Variants in PHRF1 observed in about 807,000 individuals in gnomAD.
PHRF1 encodes the protein PHD and ring finger domains 1.
PHRF1 carries 53 observed loss-of-function variants against 128.9 expected under a neutral mutation model. The observed-to-expected ratio is 0.41, with a 90% CI of 0.33 to 0.52. The LOEUF is 0.52. PHRF1 is among the 20% of genes least tolerant of loss of function. The probability of loss-of-function intolerance (pLI) is 0.21; values close to 1 mark genes in which losing one functional copy is unlikely to be tolerated. For synonymous variants in PHRF1, 1,178 were observed against 980.6 expected, an observed-to-expected ratio of 1.20 and a Z score of -3.76; for missense variants, 2,503 against 2,284.5, an observed-to-expected ratio of 1.10 and a Z score of -1.95.
Position 576,538 on chromosome 11 carries a change from G to T in PHRF1, c.-76G>T. The T allele has an allele frequency of 6.6e-6, 1 of 152,520 alleles. No individual in the cohort carries two copies. The highest frequency in any genetic ancestry group is 1.9e-4 in the South Asian group (1 of 5,380). 9.4% of individuals were successfully genotyped at this position (152,520 alleles called of 1,614,324 possible). A position where few individuals can be genotyped will look rare whatever the true frequency, so the allele number is the denominator to read the frequency against. On this transcript the variant is annotated 5_prime_UTR_variant, in exon 1 of 18. Transcript: ENST00000264555. ...GCGGCCGGGCCTAGGAGCGACTCTCGGTCGTGCAGCGGCGGCGAGCGCTCG... is the reference window on the plus strand; with the variant it reads ...GCGGCCGGGCCTAGGAGCGACTCTCTGTCGTGCAGCGGCGGCGAGCGCTCG...
intron 2 of PHRF1, 32 bp from the exon 3 acceptor site, chr11:581,930 C>G: frequency 6.4e-7 from 1 of 1,556,600 alleles, no homozygotes; most frequent in Non-Finnish European, 8.7e-7. Flanking sequence ...CTTGACGCCG[C>G]CCTGCGGCCT....
chr11:588,691 A>AT lies in PHRF1; in HGVS notation c.420+1236dup, dbSNP rs1182511646. ...ACCACGCCCGGCCATTTTTATTTTT[A>AT]TTTTTTTTTGTAGATTTTTCTTTTG... On this transcript the variant is annotated intron_variant, in intron 4 of 17. Transcript: ENST00000264555. Among the ~76,000 whole-genome samples, 15 of 150,432 alleles carry AT rather than the reference A, an allele frequency of 1.0e-4. No individual in the cohort carries two copies. In the East Asian group the frequency reaches 1.2e-3, roughly 12 times the overall value.
At position 598,478 on chromosome 11, in the gene PHRF1, C is replaced by A. The variant is rs974559384; in HGVS notation, c.1000C>A (p.Pro334Thr). ...VYQRPLTPRT[P>T]ARRKRKTRRR... is the part of the protein sequence containing the mutation. ...TCAGCGCCCCCTGACGCCGCGCACT[C>A]CCGCCCGACGGAAGAGGAAGACAAG... Residue 334 changes from proline to threonine, a missense_variant, in exon 9 of 18, where the codon CCC becomes ACC. Pro to Thr is a conservative substitution (Grantham distance 38). Coordinates refer to ENST00000264555, the MANE Select transcript of PHRF1 (RefSeq NM_001286581.2). 2 of 1,609,764 alleles carry A rather than the reference C, an allele frequency of 1.2e-6. No homozygotes were observed. The highest frequency in any genetic ancestry group is 2.2e-5 in the East Asian group (1 of 44,852).
intron 10 of PHRF1, among the ~76,000 whole-genome samples, chr11:603,931 G>A (rs547487059): frequency 8.6e-5 from 13 of 151,294 alleles, no homozygotes; most frequent in Admixed American, 4.6e-4. Context: ...TTGAACTCCC[G>A]ACCTCAAGTG....
At position 609,210 on chromosome 11, in the gene PHRF1, T is replaced by C. The variant is rs749916409; in HGVS notation, c.3754T>C (p.Cys1252Arg). 1.9e-6 allele frequency: 3 copies of C among 1,608,986 alleles called. No homozygotes were observed. Among genetic ancestry groups the C allele is most frequent in the South Asian group, 2.2e-5 (2 of 91,082 alleles). Residue 1252 changes from cysteine (C) to arginine (R), a missense_variant, in exon 14 of 18, where the codon TGT becomes CGT. Physicochemically the swap from Cys to Arg is radical, Grantham distance 180. Coordinates refer to ENST00000264555, the MANE Select transcript of PHRF1 (RefSeq NM_001286581.2). ...APPVLEVAAE[C>R]EPDDLDLDYG... is the part of the protein sequence containing the mutation. ...CCCTGTCCTGGAGGTGGCAGCTGAG[T>C]GTGAGCCGGACGACCTGGACCTGGA... is the stretch of plus-strand genomic sequence containing the variant.
At chr11:605,389 T>G (rs898959647) in intron 11 of PHRF1, 89 bp downstream of exon 11, 3 of 1,522,614 alleles carry the variant, frequency 2.0e-6, no homozygotes, top group Non-Finnish European at 2.7e-6. Context: ...TGCGGAGGCG[T>G]TAGGTTTTGT....
chr11:602,626 A>C (rs1266792339), intron 10 of PHRF1, among the ~76,000 whole-genome samples: 1 of 151,808 alleles, frequency 6.6e-6, no homozygotes, highest in Non-Finnish European at 1.5e-5. Flanking sequence ...GGTTGCAGTG[A>C]GCCGAGATTG....
In PHRF1 at chr11:581,727, A is replaced by AT. The variant is rs1854215190; in HGVS notation, c.94+125dup. 3 of 1,102,324 alleles carry AT rather than the reference A, an allele frequency of 2.7e-6. No homozygotes were observed. The Admixed American group carries it at 9.4e-5, about 35-fold the overall frequency. The allele number at this position is 1,102,324 out of a possible 1,614,324, so 68.3% of individuals were successfully genotyped here. A position where few individuals can be genotyped will look rare whatever the true frequency, so the allele number is the denominator to read the frequency against. ...TTCAGTCTAAAAAAATTATGCTTTG[A>AT]TTTTAAATTGCGGAAGTAGTGTATT... On this transcript the variant is annotated intron_variant, in intron 2 of 17. Transcript: ENST00000264555.
chr11:583,645 C>G (rs759932212), intron 3 of PHRF1, among the ~76,000 whole-genome samples: 2 of 152,214 alleles, frequency 1.3e-5, no homozygotes, highest in Non-Finnish European at 2.9e-5. Context: ...ATGGTCTCAG[C>G]TACGCAGGAG....
intron 2 of PHRF1, 128 bp downstream of exon 2, chr11:581,734 A>G (rs927973517): frequency 9.5e-7 from 1 of 1,051,440 alleles, no homozygotes; most frequent in African/African-American, 1.6e-5. Flanking sequence ...TTGATTTTAA[A>G]TTGCGGAAGT....
chr11:583,155 A>G (rs1460387240), intron 3 of PHRF1, among the ~76,000 whole-genome samples: 2 of 151,544 alleles, frequency 1.3e-5, no homozygotes, highest in African/African-American at 2.4e-5. Context: ...TGTGGCTAAC[A>G]TGGTGAAACC....
chr11:581,880 T>C, intron 2 of PHRF1, 82 bp from the exon 3 acceptor site: 1 of 1,477,308 alleles, frequency 6.8e-7, no homozygotes. Context: ...TCCTGACGCC[T>C]CTATGCCTGT....
chr11:608,502 CGGACGCGCTCTG>C lies in PHRF1; in HGVS notation c.3059_3070del (p.Gly1020_Ser1023del), dbSNP rs144630030. The C allele has an allele frequency of 0.053, 84,946 of 1,611,770 alleles. 3,304 individuals are homozygous for C. The highest frequency in any genetic ancestry group is 0.19 in the African/African-American group (14,149 of 74,548). ...GAAGAGGGTGTCCAGGGAGCACGGA[CGGACGCGCTCTG>C]GGACGCGCTCTGAATCCAGGGACAG... On this transcript the variant is annotated inframe_deletion, in exon 14 of 18. Transcript: ENST00000264555.
chr11:588,382 T>C (rs1854713948), intron 4 of PHRF1, among the ~76,000 whole-genome samples: 1 of 152,080 alleles, frequency 6.6e-6, no homozygotes, highest in Admixed American at 6.6e-5. Context: ...CTTTTCTTTT[T>C]TTTTTTGTTT....
Position 607,455 on chromosome 11 carries a change from C to G in PHRF1, c.1999C>G (p.Leu667Val), listed in dbSNP as rs1287924966. The G allele has an allele frequency of 6.2e-7, 1 of 1,612,854 alleles. No homozygotes were observed. Residue 667 changes from leucine to valine, a missense_variant, in exon 14 of 18, where the codon CTG (leucine) becomes GTG (valine). Transcript: ENST00000264555. ...TCGCAGTGTGGTGCCGGGGCCTCCCCTGAAGCCAGCGCCCAGAAGAACAGA... is the reference window on the plus strand; with the variant it reads ...TCGCAGTGTGGTGCCGGGGCCTCCCGTGAAGCCAGCGCCCAGAAGAACAGA... ...PCRSVVPGPP[L>V]KPAPRRTDIS... is the part of the protein sequence containing the mutation.
intron 10 of PHRF1, among the ~76,000 whole-genome samples, chr11:604,871 C>G (rs556955246): frequency 8.5e-5 from 13 of 152,170 alleles, no homozygotes; most frequent in Admixed American, 6.6e-4. Context: ...CTTAATGCTA[C>G]TACGACGTGA....
rs775904268 is a variant in PHRF1 at position 581,586 on chromosome 11, C to G, written c.74C>G (p.Ala25Gly). The change falls in exon 2 of 18, where the codon GCG (alanine) becomes GGG (glycine). Residue 25 changes from alanine (A) to glycine (G), a missense_variant. Coordinates refer to ENST00000264555, the MANE Select transcript of PHRF1 (RefSeq NM_001286581.2). ...GATGGACACCCACAGGTCGGCCCTG[C>G]GGACCCGGCAGGTGACTTTGGTGAG... ...GPDGHPQVGP[A>G]DPAGDFEESS... 1.2e-6 allele frequency: 2 copies of G among 1,612,788 alleles called. No individual in the cohort carries two copies. The highest frequency in any genetic ancestry group is 2.2e-5 in the South Asian group (2 of 90,996).
At position 605,693 on chromosome 11, in the gene PHRF1, G is replaced by C. The variant is rs757464843; in HGVS notation, c.1423G>C (p.Val475Leu). The change falls in exon 12 of 18, where the codon GTG becomes CTG. Residue 475 changes from valine to leucine, a missense_variant. Transcript: ENST00000264555. ...SRSALQSHQPVARPVSVGLSR... is the reference protein window; with the variant it reads ...SRSALQSHQPLARPVSVGLSR... ...GTCAGCCCTGCAGTCCCACCAGCCC[G>C]TGGCCAGGCCCGTCTCCGTGGGGCT... 6.2e-7 allele frequency: 1 copy of C among 1,612,890 alleles called. No individual in the cohort carries two copies. Among genetic ancestry groups the C allele is most frequent in the Admixed American group, 1.7e-5 (1 of 60,008 alleles).
In PHRF1 at chr11:597,131, C is replaced by A; in HGVS notation, c.718+111C>A. 1 of 1,197,838 alleles carries A rather than the reference C, an allele frequency of 8.3e-7. No homozygotes were observed. The highest frequency in any genetic ancestry group is 1.2e-6 in the Non-Finnish European group (1 of 843,492). The allele number at this position is 1,197,838 out of a possible 1,614,324, so 74.2% of individuals were successfully genotyped here. Reference sequence around the variant, plus strand: ...GTGGGGAGGACATCTAGGGCTGTCTCATGGGGGTTAGGGTTGGCTGCGGTG... The same window carrying A: ...GTGGGGAGGACATCTAGGGCTGTCTAATGGGGGTTAGGGTTGGCTGCGGTG... On this transcript the variant is annotated intron_variant, in intron 7 of 17. Transcript: ENST00000264555. This position sits in a 1 kb window ranked among gnomAD's most constrained non-coding sequence, Gnocchi z 6.5.
Sources: gnomAD v4.1 joint callset for allele counts (sites outside exome capture counted in the v4.1 genomes callset) on GRCh38, gnomAD v4.1.1 for gene constraint, Gnocchi (gnomAD v3.1) non-coding constraint, MANE v1.5 for transcripts, NCBI Gene and HGNC (gene_info 2026-07-23, HGNC 2026-07-21) for gene names.